ZNF44: variants seen among roughly 807,000 people sequenced by gnomAD.
The protein encoded by ZNF44 is gonadotropin inducible transcription repressor-2.
In ZNF44, 9 loss-of-function variants were observed where a neutral mutation model predicts 11.7. That is an observed-to-expected ratio of 0.77 (90% CI 0.46 to 1.35). The LOEUF (loss-of-function observed/expected upper bound fraction) is 1.35. ZNF44 is among the 40% of genes most tolerant of loss of function. The pLI, the probability that ZNF44 is intolerant of heterozygous loss-of-function variation, is 0.00. For synonymous variants in ZNF44, 224 were observed against 242.7 expected, an observed-to-expected ratio of 0.92 and a Z score of 0.72; for missense variants, 696 against 743.1, an observed-to-expected ratio of 0.94 and a Z score of 0.74.
At chr19:12,251,995 G>A (rs1347911400) in intron 5 of ZNF44, among the ~76,000 whole-genome samples, 1 of 150,092 alleles carries the variant, frequency 6.7e-6, no homozygotes, top group Non-Finnish European at 1.5e-5. Context: ...AGGTTGCCGT[G>A]AGCCTAGATC....
downstream of ZNF44, chr19:12,247,184 T>C (rs1365432678): frequency 2.1e-5 from 14 of 651,922 alleles, no homozygotes; most frequent in Non-Finnish European, 3.0e-5. Context: ...CTGTATTACT[T>C]ACATTCATGC....
At chr19:12,278,578 C>A (rs1967332637) in intron 1 of ZNF44, among the ~76,000 whole-genome samples, 1 of 151,746 alleles carries the variant, frequency 6.6e-6, no homozygotes, top group Non-Finnish European at 1.5e-5. Flanking sequence ...AAAAAATAAA[C>A]AAAATTAGGT....
At chr19:12,289,203 A>G (rs1967897886) in intron 1 of ZNF44, among the ~76,000 whole-genome samples, 1 of 152,070 alleles carries the variant, frequency 6.6e-6, no homozygotes, top group African/African-American at 2.4e-5. Flanking sequence ...GCTACCCTGA[A>G]GGCTGAGATG....
chr19:12,230,631 G>A (rs1369452037), intron 2 of ZNF44: 2 of 152,264 alleles, frequency 1.3e-5, no homozygotes, highest in African/African-American at 4.8e-5. Flanking sequence ...ACAAGCTGCT[G>A]TTGCCCACTG....
intron 5 of ZNF44, chr19:12,260,519 C>A: frequency 8.9e-7 from 1 of 1,125,236 alleles, no homozygotes; most frequent in Non-Finnish European, 1.3e-6. Flanking sequence ...AGCGGACCCG[C>A]GCCACCAAGA....
chr19:12,267,029 A>ATT (rs200376802), downstream of ZNF44, among the ~76,000 whole-genome samples: 75 of 129,640 alleles, frequency 5.8e-4, 2 homozygotes, highest in East Asian at 0.014. Flanking sequence ...CAGTCTACTC[A>ATT]TTTTTTCTTT....
chr19:12,273,707 T>C lies in ZNF44; in HGVS notation c.548A>G (p.Asn183Ser). Reference sequence around the variant, plus strand: ...TTTTACTACCATATGTCTTCGAAGGTTTCCAGGAGAACTGAAGGTTTTTCC... The same window carrying C: ...TTTTACTACCATATGTCTTCGAAGGCTTCCAGGAGAACTGAAGGTTTTTCC... The part of the protein sequence containing the change: ...ECGKTFSSPG[N>S]LRRHMVVKGG... Residue 183 changes from asparagine (N) to serine (S), a missense_variant, in exon 4 of 4, where the codon AAC (asparagine) becomes AGC (serine). By Grantham distance (46) the Asn-to-Ser change is conservative. Transcript: ENST00000355684. 1 of 1,614,132 alleles carries C rather than the reference T, an allele frequency of 6.2e-7. No homozygotes were observed. The highest frequency in any genetic ancestry group is 8.5e-7 in the Non-Finnish European group (1 of 1,180,016).
chr19:12,273,368 A>C lies in ZNF44; in HGVS notation c.887T>G (p.Leu296Arg). 1.2e-6 allele frequency: 2 copies of C among 1,613,736 alleles called. No individual in the cohort carries two copies. The highest frequency in any genetic ancestry group is 1.7e-6 in the Non-Finnish European group (2 of 1,179,890). ...CGKAFSVSGS[L>R]RVHERIHTGE... Reference sequence around the variant, plus strand: ...AGTGTGAATTCTTTCATGTACTCGAAGGGAACCGGAAACACTGAAGGCTTT... The same window carrying C: ...AGTGTGAATTCTTTCATGTACTCGACGGGAACCGGAAACACTGAAGGCTTT... Residue 296 changes from leucine to arginine, a missense_variant, in exon 4 of 4, where the codon CTT becomes CGT. By Grantham distance (102) the Leu-to-Arg change is moderately radical (BLOSUM62 -2). Coordinates refer to ENST00000355684, the MANE Select transcript of ZNF44 (RefSeq NM_016264.4).
At chr19:12,243,968 G>A (rs1429661889), downstream of ZNF44, among the ~76,000 whole-genome samples, 1 of 151,996 alleles carries the variant, frequency 6.6e-6, no homozygotes. Flanking sequence ...TGAAAAAAAT[G>A]TCCACTCAGG....
Position 12,274,027 on chromosome 19 carries a change from A to C in ZNF44, c.228T>G (p.Asp76Glu). ...DVVERFGKSKDGSQCGETLSQ... is the reference protein window; with the variant it reads ...DVVERFGKSKEGSQCGETLSQ... ...TTAAGGTTTCTCCACACTGACTACCATCTTTACTTTTACCAAATCTCTCTA... is the reference window on the plus strand; with the variant it reads ...TTAAGGTTTCTCCACACTGACTACCCTCTTTACTTTTACCAAATCTCTCTA... Residue 76 changes from aspartate (D) to glutamate (E), a missense_variant, in exon 4 of 4, where the codon GAT becomes GAG. Physicochemically the swap from Asp to Glu is conservative, Grantham distance 45. Coordinates refer to ENST00000355684, the MANE Select transcript of ZNF44 (RefSeq NM_016264.4). 2.5e-6 allele frequency: 4 copies of C among 1,613,384 alleles called. No homozygotes were observed. Among genetic ancestry groups the C allele is most frequent in the Non-Finnish European group, 3.4e-6 (4 of 1,179,438 alleles).
At chr19:12,234,191 T>G (rs1473060892) in intron 2 of ZNF44, among the ~76,000 whole-genome samples, 1 of 152,222 alleles carries the variant, frequency 6.6e-6, no homozygotes, top group Non-Finnish European at 1.5e-5. Flanking sequence ...GTAAATGCAC[T>G]GATTACTCTG....
At chr19:12,251,729 C>T (rs1179289218) in intron 5 of ZNF44, among the ~76,000 whole-genome samples, 2 of 152,068 alleles carry the variant, frequency 1.3e-5, no homozygotes, top group East Asian at 3.9e-4. Context: ...AACCTTGGGA[C>T]TTGCTGACCT....
At chr19:12,292,946 T>C (rs1418145391) in intron 1 of ZNF44, among the ~76,000 whole-genome samples, 1 of 145,758 alleles carries the variant, frequency 6.9e-6, no homozygotes, top group African/African-American at 2.5e-5. Flanking sequence ...TTCGGCTCAC[T>C]GCAACCTCCA....
chr19:12,292,894 C>T (rs1451571378), intron 1 of ZNF44, among the ~76,000 whole-genome samples: 1 of 128,318 alleles, frequency 7.8e-6, no homozygotes, highest in Non-Finnish European at 1.6e-5. Flanking sequence ...ACAGAGTTTC[C>T]CTCTTGTCGC....
intron 5 of ZNF44, among the ~76,000 whole-genome samples, chr19:12,264,201 C>A (rs1949097962): frequency 6.6e-6 from 1 of 152,204 alleles, no homozygotes; most frequent in South Asian, 2.1e-4. Flanking sequence ...ACATGTGGAT[C>A]CCCAGTTTTC....
At chr19:12,276,201 G>T in intron 1 of ZNF44, 119 bp from the exon 2 acceptor site, 1 of 1,440,600 alleles carries the variant, frequency 6.9e-7, no homozygotes, top group Non-Finnish European at 9.5e-7. Context: ...CAATGACGTG[G>T]TAAATCCACT....
At chr19:12,284,644 A>G in intron 1 of ZNF44, 1 of 756,774 alleles carries the variant, frequency 1.3e-6, no homozygotes, top group Non-Finnish European at 2.3e-6. Flanking sequence ...CCAGTGCAGA[A>G]GCAGACCCGT....
At chr19:12,254,509 G>A (rs191136963) in intron 5 of ZNF44, among the ~76,000 whole-genome samples, 4 of 152,288 alleles carry the variant, frequency 2.6e-5, no homozygotes, top group South Asian at 2.1e-4. Context: ...AAGGTGGGCC[G>A]ACTGCCTGAG....
At chr19:12,252,311 G>GA (rs1312001313) in intron 5 of ZNF44, among the ~76,000 whole-genome samples, 2 of 152,104 alleles carry the variant, frequency 1.3e-5, no homozygotes, top group Non-Finnish European at 2.9e-5. Flanking sequence ...AGTTCTGAAA[G>GA]AAAAAATCTG....
Sources: allele counts gnomAD v4.1 joint callset (sites outside exome capture counted in the v4.1 genomes callset), GRCh38; gene constraint gnomAD v4.1.1; transcripts MANE v1.5; gene names NCBI Gene and HGNC (gene_info 2026-07-23, HGNC 2026-07-21).